Variants in ANK3 observed in about 807,000 individuals in gnomAD.
The protein encoded by ANK3 is ankyrin 3.
In ANK3, 57 loss-of-function variants were observed where a neutral mutation model predicts 370.9. The ratio of observed to expected loss-of-function variants is 0.15; its 90% CI spans 0.12 to 0.19. The LOEUF is 0.19. ANK3 is among the 10% of genes least tolerant of loss of function. ANK3 has a pLI of 1.00. For missense variants in ANK3, 4,439 were observed against 5,302.1 expected (o/e 0.84, Z 5.06); for synonymous variants, 1,929 against 1,946.3 (o/e 0.99, Z 0.23).
intron 28 of ANK3, 71 bp downstream of exon 28, chr10:60,105,834 T>C: frequency 6.8e-7 from 1 of 1,461,604 alleles, no homozygotes; most frequent in Non-Finnish European, 9.1e-7. Context: ...AGGTCCTGTT[T>C]CATGTAATCT....
At chr10:60,226,235 ATATAC>A (rs1352771436) in intron 8 of ANK3, among the ~76,000 whole-genome samples, 6 of 121,946 alleles carry the variant, frequency 4.9e-5, no homozygotes, top group South Asian at 4.8e-4. Flanking sequence ...TACTATGTAT[ATATAC>A]TATATTATAT....
At chr10:60,289,866 A>G (rs1487266033) in intron 1 of ANK3, among the ~76,000 whole-genome samples, 1 of 152,236 alleles carries the variant, frequency 6.6e-6, no homozygotes, top group Admixed American at 6.5e-5. Flanking sequence ...ATAACGTCCA[A>G]CAAAAAATTA....
At chr10:60,353,333 G>C (rs535074303) in intron 1 of ANK3, among the ~76,000 whole-genome samples, 1 of 152,060 alleles carries the variant, frequency 6.6e-6, no homozygotes, top group South Asian at 2.1e-4. Flanking sequence ...TAGTCCATGA[G>C]TTCACCATAA....
chr10:60,723,432 T>C (rs2079893498), intron 1 of ANK3, among the ~76,000 whole-genome samples: 2 of 152,230 alleles, frequency 1.3e-5, no homozygotes, highest in South Asian at 2.1e-4. Flanking sequence ...ATGAGACTCT[T>C]ACACAAGAGC....
At chr10:60,639,061 C>T (rs541684326) in intron 1 of ANK3, among the ~76,000 whole-genome samples, 3 of 151,862 alleles carry the variant, frequency 2.0e-5, no homozygotes, top group South Asian at 4.2e-4. Context: ...GAAAACCACA[C>T]AAAGATACAT....
chr10:60,107,882 T>C (rs150193730), intron 27 of ANK3, among the ~76,000 whole-genome samples: 1 of 152,290 alleles, frequency 6.6e-6, no homozygotes, highest in East Asian at 1.9e-4. Flanking sequence ...TTAAAAAGTA[T>C]CATATTCAGA....
intron 8 of ANK3, among the ~76,000 whole-genome samples, chr10:60,221,542 C>G (rs1223877386): frequency 6.6e-6 from 1 of 152,188 alleles, no homozygotes; most frequent in African/African-American, 2.4e-5. Flanking sequence ...GACCAAAAGT[C>G]AAACCCTTTT....
intron 1 of ANK3, among the ~76,000 whole-genome samples, chr10:60,623,161 A>G (rs1012860166): frequency 5.3e-5 from 8 of 152,294 alleles, no homozygotes; most frequent in African/African-American, 1.7e-4. Context: ...AGATTCAGGC[A>G]TGATCTTGGC....
At chr10:60,390,546 A>G (rs2063005333), upstream of ANK3, among the ~76,000 whole-genome samples, 1 of 152,128 alleles carries the variant, frequency 6.6e-6, no homozygotes, top group Admixed American at 6.6e-5. Context: ...ATGTGAAGTG[A>G]AGCAGCAGCA....
At chr10:60,705,312 A>G (rs1387806356) in intron 1 of ANK3, among the ~76,000 whole-genome samples, 1 of 149,020 alleles carries the variant, frequency 6.7e-6, no homozygotes, top group Admixed American at 6.9e-5. Flanking sequence ...TGACTTAAAT[A>G]AATAAAGGTG....
intron 1 of ANK3, among the ~76,000 whole-genome samples, chr10:60,355,051 T>C (rs2057508822): frequency 1.3e-5 from 2 of 152,180 alleles, no homozygotes; most frequent in South Asian, 4.1e-4. Context: ...TTATAGTATA[T>C]AATTTAGCCA....
In ANK3 at chr10:60,074,914, C is replaced by A; in HGVS notation, c.5967G>T (p.Trp1989Cys). 6.2e-7 allele frequency: 1 copy of A among 1,614,058 alleles called. No individual in the cohort carries two copies. Among genetic ancestry groups the A allele is most frequent in the Non-Finnish European group, 8.5e-7 (1 of 1,179,988 alleles). ...SDKGHSPEDDWIEFSSEEIRE... is the reference protein window; with the variant it reads ...SDKGHSPEDDCIEFSSEEIRE... The stretch of plus-strand genomic sequence containing the variant: ...GGATTTCTTCCGAACTAAATTCTAT[C>A]CAGTCATCTTCAGGAGAGTGTCCTT... The change falls in exon 37 of 44, where the codon TGG (tryptophan) becomes TGT (cysteine). Residue 1989 changes from tryptophan (W) to cysteine (C), a missense_variant. Coordinates refer to ENST00000280772, the MANE Select transcript of ANK3 (RefSeq NM_020987.5).
intron 1 of ANK3, among the ~76,000 whole-genome samples, chr10:60,289,983 T>A (rs1566299860): frequency 6.6e-6 from 1 of 152,180 alleles, no homozygotes; most frequent in Non-Finnish European, 1.5e-5. Flanking sequence ...GGGTGGATTT[T>A]TTTTTCCTAT....
rs1443666976 is a variant in ANK3 at position 60,027,294 on chromosome 10, T to TTTG, written c.*2551_*2552insCAA. ...AGAGGCATTTTGGGAAAGTTTTTTT[T>TTTG]TTTTTTTTTTTTTAAAAAAAAAACC... On this transcript the variant is annotated 3_prime_UTR_variant, in exon 44 of 44. Coordinates refer to ENST00000280772, the MANE Select transcript of ANK3 (RefSeq NM_020987.5). 6.7e-6 allele frequency: 1 copy of TTTG among 148,856 alleles called. No homozygotes were observed. Among genetic ancestry groups the TTTG allele is most frequent in the Non-Finnish European group, 1.5e-5 (1 of 67,208 alleles). 9.2% of individuals were successfully genotyped at this position (148,856 alleles called of 1,614,324 possible). A position where few individuals can be genotyped will look rare whatever the true frequency, so the allele number is the denominator to read the frequency against.
chr10:60,368,328 G>A lies in ANK3; in HGVS notation c.114+21097C>T, dbSNP rs532757033. On this transcript the variant is annotated intron_variant, in intron 1 of 43. Coordinates refer to ENST00000280772, the MANE Select transcript of ANK3 (RefSeq NM_020987.5). ...GACGGAGCTTCACATTTCATGCAAC[G>A]GCACATAGTCATGGAGAAGGTACGT... 9.5e-4 allele frequency among the ~76,000 whole-genome samples: 144 copies of A among 151,950 alleles called. 1 individual carries two copies. The highest frequency in any genetic ancestry group is 9.1e-4 in the Non-Finnish European group (62 of 67,988).
intron 1 of ANK3, among the ~76,000 whole-genome samples, chr10:60,377,931 A>G (rs2061017282): frequency 6.6e-6 from 1 of 152,212 alleles, no homozygotes; most frequent in South Asian, 2.1e-4. Flanking sequence ...CGTAAATTGA[A>G]CCTAACTTTT....
intron 25 of ANK3, among the ~76,000 whole-genome samples, chr10:60,133,894 G>C (rs1039820236): frequency 6.6e-6 from 1 of 152,164 alleles, no homozygotes; most frequent in African/African-American, 2.4e-5. Context: ...ACTCCAGCCT[G>C]GGTGACAGAG....
intron 43 of ANK3, 34 bp downstream of exon 43, chr10:60,042,638 A>C: frequency 6.4e-7 from 1 of 1,568,278 alleles, no homozygotes; most frequent in Non-Finnish European, 8.7e-7. Flanking sequence ...ACAGGAATTT[A>C]AGTCCTACTG....
chr10:60,166,224 C>G lies in ANK3; in HGVS notation c.2614+367G>C, dbSNP rs183597204. Among the ~76,000 whole-genome samples the G allele has an allele frequency of 2.0e-4, 30 of 152,054 alleles. No homozygotes were observed. In the East Asian group the frequency reaches 2.3e-3, roughly 12 times the overall value. On this transcript the variant is annotated intron_variant, in intron 23 of 43. Coordinates refer to ENST00000280772, the MANE Select transcript of ANK3 (RefSeq NM_020987.5). The stretch of plus-strand genomic sequence containing the variant: ...AAAAGGATTTCCTATAAGGAAACTT[C>G]GCTTGTTTTAAAAAATATTGTAATC...
Sources: allele counts gnomAD v4.1 joint callset (sites outside exome capture counted in the v4.1 genomes callset), GRCh38; gene constraint gnomAD v4.1.1; transcripts MANE v1.5; gene names NCBI Gene and HGNC (gene_info 2026-07-23, HGNC 2026-07-21).